Variants in MYO3B observed in about 807,000 individuals in gnomAD.
The protein encoded by MYO3B is myosin-IIIb.
A neutral mutation model predicts 174.6 loss-of-function variants in MYO3B; 156 were observed. The observed-to-expected ratio is 0.89, with a 90% confidence interval of 0.78 to 1.02. The LOEUF is 1.02. MYO3B is among the 50% of genes least tolerant of loss of function. MYO3B has a pLI of 0.00. For missense variants in MYO3B, 1,632 were observed against 1,639.4 expected, an observed-to-expected ratio of 1.00 and a Z score of 0.08; for synonymous variants, 563 against 569.1, an observed-to-expected ratio of 0.99 and a Z score of 0.15.
At chr2:170,381,884 G>T (rs371349059) in intron 9 of MYO3B, 132 bp from the exon 10 acceptor site, 5 of 674,612 alleles carry the variant, frequency 7.4e-6, no homozygotes, top group Admixed American at 7.0e-5. Flanking sequence ...ACCTGGACTG[G>T]ACTTCCTGTC....
chr2:170,453,180 T>G (rs1361187626), intron 23 of MYO3B, among the ~76,000 whole-genome samples: 2 of 152,096 alleles, frequency 1.3e-5, no homozygotes, highest in Non-Finnish European at 1.5e-5. Context: ...TTCAGGGGCC[T>G]GCAGCAAAGT....
chr2:170,556,527 T>C (rs1691305194), intron 32 of MYO3B, among the ~76,000 whole-genome samples: 2 of 100,590 alleles, frequency 2.0e-5, no homozygotes. Context: ...GGATTTTTAC[T>C]TTTTTTTTTT....
chr2:170,302,997 A>G (rs1187790356), intron 7 of MYO3B, among the ~76,000 whole-genome samples: 1 of 152,228 alleles, frequency 6.6e-6, no homozygotes, highest in African/African-American at 2.4e-5. Flanking sequence ...TGAAACAAAC[A>G]TGCCGCATTT....
At chr2:170,572,649 C>G (rs1050947521) in intron 32 of MYO3B, among the ~76,000 whole-genome samples, 1 of 151,708 alleles carries the variant, frequency 6.6e-6, no homozygotes, top group Admixed American at 6.6e-5. Flanking sequence ...CCTCCTCCCA[C>G]CAACAGCATA....
At chr2:170,492,825 T>C (rs1353378476) in intron 25 of MYO3B, among the ~76,000 whole-genome samples, 3 of 152,218 alleles carry the variant, frequency 2.0e-5, no homozygotes, top group African/African-American at 7.2e-5. Flanking sequence ...CTCAGACTTA[T>C]GTCCTTCGCA....
intron 32 of MYO3B, chr2:170,601,814 C>A: frequency 9.1e-7 from 1 of 1,097,782 alleles, no homozygotes; most frequent in Non-Finnish European, 1.4e-6. Flanking sequence ...TGCTTGTCAT[C>A]TGCAAAAGTG....
chr2:170,650,929 G>A (rs1050729605), intron 32 of MYO3B, among the ~76,000 whole-genome samples: 5 of 122,600 alleles, frequency 4.1e-5, no homozygotes, highest in Non-Finnish European at 7.3e-5. Flanking sequence ...TGATCCACCC[G>A]CCTCAGCCTC....
rs376278701 is a variant in MYO3B at position 170,514,962 on chromosome 2, G to A, written c.3412G>A (p.Ala1138Thr). 9 of 1,613,884 alleles carry A rather than the reference G, an allele frequency of 5.6e-6. No individual in the cohort carries two copies. The highest frequency in any genetic ancestry group is 2.2e-5 in the East Asian group (1 of 44,878). Residue 1138 changes from alanine to threonine, a missense_variant, in exon 29 of 35, where the codon GCA becomes ACA. Transcript: ENST00000408978. ...AAGCAGTGGGCCACATTCCCCCGTC[G>A]CAGCAGGTACGAGGGGAAGTGCCGA... ...NQSSGPHSPV[A>T]AGTRGSAEVQ...
intron 8 of MYO3B, among the ~76,000 whole-genome samples, chr2:170,362,840 C>A (rs564683558): frequency 6.6e-6 from 1 of 152,298 alleles, no homozygotes; most frequent in South Asian, 2.1e-4. Context: ...AAATACCATA[C>A]ACAGCATCAA....
At chr2:170,414,177 T>A (rs946143383) in intron 22 of MYO3B, among the ~76,000 whole-genome samples, 1 of 152,182 alleles carries the variant, frequency 6.6e-6, no homozygotes, top group Non-Finnish European at 1.5e-5. Context: ...TACCACACTA[T>A]TGCAGATTCA....
At chr2:170,404,702 T>C (rs999458529) in intron 20 of MYO3B, among the ~76,000 whole-genome samples, 3 of 152,124 alleles carry the variant, frequency 2.0e-5, no homozygotes, top group African/African-American at 7.2e-5. Context: ...AATGTTTGCT[T>C]CTCCTCCTTT....
intron 32 of MYO3B, among the ~76,000 whole-genome samples, chr2:170,569,616 C>A (rs1314239187): frequency 6.6e-6 from 1 of 150,852 alleles, no homozygotes; most frequent in Admixed American, 6.6e-5. Context: ...AATCCCAACA[C>A]TCTGGATGGC....
In MYO3B at chr2:170,327,887, G is replaced by GTATA. The variant is rs71006083; in HGVS notation, c.750-7489_750-7486dup. Among the ~76,000 whole-genome samples, 338 of 142,684 alleles carry GTATA rather than the reference G, an allele frequency of 2.4e-3. 2 individuals carry two copies. Among genetic ancestry groups the GTATA allele is most frequent in the African/African-American group, 7.6e-3 (284 of 37,444 alleles). The allele number at this position is 142,684 out of a possible 152,430, so 93.6% of individuals were successfully genotyped here. ...TATATATATATATACACTATATATA[G>GTATA]TATATATATATAATGTATAAATATA... On this transcript the variant is annotated intron_variant, in intron 7 of 34. Coordinates refer to ENST00000408978, the MANE Select transcript of MYO3B (RefSeq NM_138995.5).
chr2:170,541,423 G>A (rs931683889), intron 30 of MYO3B, among the ~76,000 whole-genome samples: 4 of 152,102 alleles, frequency 2.6e-5, no homozygotes, highest in African/African-American at 4.8e-5. Flanking sequence ...AGACAAACAC[G>A]GGTGAATGCC....
At chr2:170,407,636 A>C (rs912081217) in intron 21 of MYO3B, 79 bp from the exon 22 acceptor site, 359 of 1,553,354 alleles carry the variant, frequency 2.3e-4, no homozygotes, top group Non-Finnish European at 2.9e-4. Flanking sequence ...TTGATTAACA[A>C]CTGGTTAGGC....
intron 32 of MYO3B, among the ~76,000 whole-genome samples, chr2:170,587,794 C>T (rs1391542614): frequency 6.6e-6 from 1 of 152,178 alleles, no homozygotes; most frequent in East Asian, 1.9e-4. Context: ...ATGATTTAAA[C>T]AATTCAAGAC....
chr2:170,339,346 A>T (rs923297776), intron 8 of MYO3B, among the ~76,000 whole-genome samples: 14 of 152,378 alleles, frequency 9.2e-5, no homozygotes, highest in Non-Finnish European at 1.8e-4. Context: ...AAGACCTTTA[A>T]TACTTTGTCC....
intron 7 of MYO3B, among the ~76,000 whole-genome samples, chr2:170,291,323 C>T (rs1306469484): frequency 1.3e-5 from 2 of 152,068 alleles, no homozygotes; most frequent in Non-Finnish European, 2.9e-5. Context: ...ACTGCATCCC[C>T]CCCAAATTTT....
At chr2:170,636,526 C>G (rs1466440084) in intron 32 of MYO3B, among the ~76,000 whole-genome samples, 2 of 151,894 alleles carry the variant, frequency 1.3e-5, no homozygotes, top group African/African-American at 4.8e-5. Flanking sequence ...GCTAATGACC[C>G]CTGGCTGGAC....
Sources: gnomAD v4.1 joint callset for allele counts (sites outside exome capture counted in the v4.1 genomes callset) on GRCh38, gnomAD v4.1.1 for gene constraint, MANE v1.5 for transcripts, NCBI Gene and HGNC (gene_info 2026-07-23, HGNC 2026-07-21) for gene names.